The following SHROOM2 variants were observed in gnomAD, a reference collection of about 807,000 sequenced individuals.
SHROOM2 encodes shroom family member 2, also known as protein Shroom2.
SHROOM2 carries 33 observed loss-of-function variants against 75.9 expected under a neutral mutation model. The observed-to-expected ratio is 0.43, with a 90% confidence interval of 0.33 to 0.58. The LOEUF is 0.58. SHROOM2 is among the 20% of genes least tolerant of loss of function. The pLI is 0.04. For missense variants in SHROOM2, 1,434 were observed against 1,461.2 expected (o/e 0.98, Z 0.30); for synonymous variants, 655 against 663.6 (o/e 0.99, Z 0.20).
chrX:9,818,556 C>A (rs1435527770), intron 1 of SHROOM2: 1 of 303,087 alleles, frequency 3.3e-6, no homozygotes, highest in African/African-American at 2.8e-5. Flanking sequence ...TGGTGCATTG[C>A]TACCCCACAC....
chrX:9,922,179 A>G (rs5934716), intron 5 of SHROOM2, among the ~76,000 whole-genome samples: 34,753 of 109,833 alleles, frequency 0.32, 4,841 homozygotes, highest in African/African-American at 0.53. Flanking sequence ...TCAGCTTTCC[A>G]AGTAGCTGGG....
chrX:9,929,940 T>G (rs1300632303), intron 5 of SHROOM2, among the ~76,000 whole-genome samples: 3 of 111,336 alleles, frequency 2.7e-5, no homozygotes, highest in Non-Finnish European at 3.8e-5. Context: ...CTTCCTCCGT[T>G]TTCTCTTGCC....
intron 5 of SHROOM2, among the ~76,000 whole-genome samples, chrX:9,914,452 A>T (rs1325588301): frequency 2.7e-5 from 3 of 110,167 alleles, no homozygotes; most frequent in African/African-American, 9.9e-5. Context: ...TTTTAAGAAG[A>T]CCAGGGTAGG....
At chrX:9,792,125 A>C (rs1043843263) in intron 1 of SHROOM2, among the ~76,000 whole-genome samples, 1 of 22,588 alleles carries the variant, frequency 4.4e-5, no homozygotes, top group Non-Finnish European at 1.1e-4. Flanking sequence ...AGAATAGAAT[A>C]GAATAGAATA....
intron 5 of SHROOM2, among the ~76,000 whole-genome samples, chrX:9,928,065 G>A (rs73476617): frequency 0.013 from 1,411 of 112,135 alleles, 24 homozygotes; most frequent in African/African-American, 0.042. Context: ...TACACTAATG[G>A]TGGCCCTTCC....
chrX:9,799,366 A>G (rs2083712408), intron 1 of SHROOM2, among the ~76,000 whole-genome samples: 1 of 109,152 alleles, frequency 9.2e-6, no homozygotes, highest in African/African-American at 3.4e-5. Context: ...GGGTTTCGCC[A>G]TGTTGGCCAG....
Position 9,894,876 on chromosome X carries a change from G to A in SHROOM2, c.968G>A (p.Ser323Asn), listed in dbSNP as rs1263897131. ...CCTCCTCCCCCTCCCCCTCTCCGCA[G>A]TGACAGCTTTGCTGCCACCAAGAGC... is the stretch of plus-strand genomic sequence containing the variant. ...SPPPPPPPLR[S>N]DSFAATKSHE... is the part of the protein sequence containing the mutation. The change falls in exon 4 of 10, where the codon AGT becomes AAT. Residue 323 changes from serine (S) to asparagine (N), a missense_variant. Ser to Asn is a conservative substitution (Grantham distance 46). This residue lies in a region of SHROOM2 where 1,340 missense variants were observed against 1,338.3 expected (regional missense o/e 1.00). Coordinates refer to ENST00000380913, the MANE Select transcript of SHROOM2 (RefSeq NM_001649.4). 3.3e-6 allele frequency: 4 copies of A among 1,209,629 alleles called. No individual in the cohort carries two copies. In the African/African-American group the frequency reaches 7.0e-5, roughly 21 times the overall value.
chrX:9,795,959 C>T (rs1468913688), intron 1 of SHROOM2, among the ~76,000 whole-genome samples: 1 of 110,977 alleles, frequency 9.0e-6, no homozygotes, highest in East Asian at 2.8e-4. Context: ...GGAGGCAGTG[C>T]TTGCTTGCTT....
rs200262626 is a variant in SHROOM2, at chrX:9,857,439, CAG to C, written c.166-16210_166-16209del. 9.6e-3 allele frequency among the ~76,000 whole-genome samples: 1,041 copies of C among 108,794 alleles called. 9 individuals carry two copies. Among genetic ancestry groups the C allele is most frequent in the African/African-American group, 0.032 (952 of 29,647 alleles). 94.5% of individuals were successfully genotyped at this position (108,794 alleles called of 115,157 possible). A position where few individuals can be genotyped will look rare whatever the true frequency, so the allele number is the denominator to read the frequency against. On this transcript the variant is annotated intron_variant, in intron 1 of 9. Coordinates refer to ENST00000380913, the MANE Select transcript of SHROOM2 (RefSeq NM_001649.4). Reference sequence around the variant, plus strand: ...TTGCTCTGTCGCCCTGGCTGGAGTGCAGAGTGGTGCAGTCACGGCTCACTACA... The same window carrying C: ...TTGCTCTGTCGCCCTGGCTGGAGTGCAGTGGTGCAGTCACGGCTCACTACA...
chrX:9,826,945 C>A (rs1355327062), intron 1 of SHROOM2, among the ~76,000 whole-genome samples: 1 of 111,856 alleles, frequency 8.9e-6, no homozygotes, highest in Non-Finnish European at 1.9e-5. Context: ...GCTTTTAAGG[C>A]CAGGGTGAAA....
intron 1 of SHROOM2, among the ~76,000 whole-genome samples, chrX:9,807,966 G>A (rs894874682): frequency 4.5e-5 from 5 of 111,882 alleles, no homozygotes; most frequent in African/African-American, 1.6e-4. Flanking sequence ...CATCCTGGGT[G>A]CCAGGCACAC....
chrX:9,845,906 C>CT (rs2084004064), intron 1 of SHROOM2, among the ~76,000 whole-genome samples: 1 of 34,494 alleles, frequency 2.9e-5, no homozygotes, highest in African/African-American at 9.5e-5. Flanking sequence ...GCCCTTGAGC[C>CT]TCCCCAACCC....
chrX:9,819,374 C>T, intron 1 of SHROOM2: 1 of 468,588 alleles, frequency 2.1e-6, no homozygotes, highest in South Asian at 3.2e-5. Flanking sequence ...CTATAACTGT[C>T]TTGATTCCAT....
rs767072029 is a variant in SHROOM2 at position 9,937,575 on chromosome X, T to C, written c.4029T>C (p.Thr1343=). ...ILDPSVKIKT[T]MDLMEGIFPK... ...ATCCCAGTGTGAAGATCAAAACCAC[T>C]ATGGACTTGATGGAAGGCATCTTCC... Residue 1343 remains threonine, a synonymous_variant, in exon 7 of 10, where the codon ACT becomes ACC. Coordinates refer to ENST00000380913, the MANE Select transcript of SHROOM2 (RefSeq NM_001649.4). 48 of 1,209,494 alleles carry C rather than the reference T, an allele frequency of 4.0e-5. No homozygotes were observed. The South Asian group carries it at 5.5e-4, about 14-fold the overall frequency.
chrX:9,941,856 A>G (rs923486748), intron 8 of SHROOM2, among the ~76,000 whole-genome samples: 4 of 107,587 alleles, frequency 3.7e-5, no homozygotes, highest in Non-Finnish European at 5.8e-5. Context: ...CTGTAGTCCC[A>G]GCTACTCGGG....
intron 1 of SHROOM2, among the ~76,000 whole-genome samples, chrX:9,850,740 T>C (rs1318071932): frequency 1.9e-5 from 2 of 104,705 alleles, no homozygotes; most frequent in Admixed American, 1.1e-4. Context: ...CTCAGGAGGC[T>C]GAGGTGGGGG....
intron 1 of SHROOM2, among the ~76,000 whole-genome samples, chrX:9,829,251 T>C (rs1031235517): frequency 1.8e-5 from 2 of 112,072 alleles, no homozygotes; most frequent in East Asian, 5.6e-4. Flanking sequence ...CTCAAACTCC[T>C]GACCTCAGGT....
chrX:9,917,246 C>T (rs1332118680), intron 5 of SHROOM2, among the ~76,000 whole-genome samples: 2 of 111,831 alleles, frequency 1.8e-5, no homozygotes, highest in South Asian at 3.8e-4. Context: ...TTCTCGTGTC[C>T]GGTCTGCTCT....
At chrX:9,850,371 G>A (rs2084031896) in intron 1 of SHROOM2, among the ~76,000 whole-genome samples, 1 of 112,266 alleles carries the variant, frequency 8.9e-6, no homozygotes, top group South Asian at 3.7e-4. Flanking sequence ...CTTTGGTATA[G>A]TCACTTCTCT....
Sources: allele counts gnomAD v4.1 joint callset (sites outside exome capture counted in the v4.1 genomes callset), GRCh38; gene constraint gnomAD v4.1.1; regional missense constraint gnomAD v4.1.1; transcripts MANE v1.5; gene names NCBI Gene and HGNC (gene_info 2026-07-23, HGNC 2026-07-21).